The following DLGAP2 variants were observed in gnomAD, a reference collection of about 807,000 sequenced individuals.
The protein encoded by DLGAP2 is DLG associated protein 2.
Under a neutral mutation model 100.3 loss-of-function variants are expected in DLGAP2, and 26 were observed. That is an observed-to-expected ratio of 0.26 (90% CI 0.19 to 0.36). DLGAP2 has a LOEUF of 0.36. DLGAP2 is among the 10% of genes least tolerant of loss of function. The pLI, the probability that DLGAP2 is intolerant of heterozygous loss-of-function variation, is 1.00. For synonymous variants in DLGAP2, 886 were observed against 630.1 expected, an observed-to-expected ratio of 1.41 and a Z score of -6.08; for missense variants, 1,858 against 1,453.2, an observed-to-expected ratio of 1.28 and a Z score of -4.53.
chr8:1,045,045 A>G (rs1300374092), intron 2 of DLGAP2, among the ~76,000 whole-genome samples: 1 of 152,100 alleles, frequency 6.6e-6, no homozygotes, highest in Non-Finnish European at 1.5e-5. Context: ...AGCAGAGAGA[A>G]CCTCCTGCCT....
At chr8:804,628 A>G (rs144523538) in intron 1 of DLGAP2, among the ~76,000 whole-genome samples, 1 of 152,266 alleles carries the variant, frequency 6.6e-6, no homozygotes, top group East Asian at 1.9e-4. Flanking sequence ...AAGTTCTAGC[A>G]TAAGAAAAAA....
intron 2 of DLGAP2, among the ~76,000 whole-genome samples, chr8:998,240 C>G (rs933837274): frequency 1.3e-5 from 2 of 152,204 alleles, no homozygotes; most frequent in Non-Finnish European, 2.9e-5. Context: ...GTTGGCACTG[C>G]TCCATCTGTG....
chr8:1,363,323 T>C (rs1802028957), intron 3 of DLGAP2, among the ~76,000 whole-genome samples: 2 of 152,132 alleles, frequency 1.3e-5, no homozygotes, highest in Non-Finnish European at 2.9e-5. Flanking sequence ...CCCACGCCCG[T>C]GGCATGCTTG....
In DLGAP2 at chr8:760,233, C is replaced by T. The variant is rs547067988; in HGVS notation, c.18+22408C>T. ...GGATGACACAGGCTTTTCAGTGTGACGCCTCCTGTCTCCTCCCTTGCTGCC... is the reference window on the plus strand; with the variant it reads ...GGATGACACAGGCTTTTCAGTGTGATGCCTCCTGTCTCCTCCCTTGCTGCC... On this transcript the variant is annotated intron_variant, in intron 1 of 14. Coordinates refer to ENST00000637795, the MANE Select transcript of DLGAP2 (RefSeq NM_001346810.2). Among the ~76,000 whole-genome samples, 11 of 152,200 alleles carry T rather than the reference C, an allele frequency of 7.2e-5. No individual in the cohort carries two copies. The South Asian group carries it at 1.0e-3, about 14-fold the overall frequency.
In DLGAP2 at chr8:1,096,201, C is replaced by T. The variant is rs147287134; in HGVS notation, c.74-162650C>T. ...CATGGCTGACTTTCCATGGTTGCTG[C>T]CAAACCAGGACTGTTGATTATTTCC... On this transcript the variant is annotated intron_variant, in intron 2 of 14. Transcript: ENST00000637795. Among the ~76,000 whole-genome samples the T allele has an allele frequency of 1.9e-3, 292 of 152,306 alleles. 2 individuals are homozygous for T. Among genetic ancestry groups the T allele is most frequent in the African/African-American group, 6.6e-3 (274 of 41,572 alleles).
At chr8:1,583,064 A>C (rs1024684856) in intron 6 of DLGAP2, among the ~76,000 whole-genome samples, 1 of 152,202 alleles carries the variant, frequency 6.6e-6, no homozygotes, top group African/African-American at 2.4e-5. Flanking sequence ...CTTATGAAAC[A>C]ATGGATCGTG....
chr8:745,488 C>G (rs750055520), intron 1 of DLGAP2, among the ~76,000 whole-genome samples: 2 of 152,208 alleles, frequency 1.3e-5, no homozygotes, highest in Non-Finnish European at 1.5e-5. Flanking sequence ...TATCCAGCTA[C>G]TTGCTTCTCT....
At chr8:773,507 T>G (rs1483257023) in intron 1 of DLGAP2, among the ~76,000 whole-genome samples, 3 of 73,152 alleles carry the variant, frequency 4.1e-5, no homozygotes, top group Non-Finnish European at 8.4e-5. Context: ...CTCCCCCCAC[T>G]CCACAACAGT....
intron 10 of DLGAP2, among the ~76,000 whole-genome samples, chr8:1,670,879 G>T (rs1168772595): frequency 6.6e-6 from 1 of 152,192 alleles, no homozygotes. Context: ...AGAAGGAATC[G>T]AGCAGATGAA....
At chr8:773,909 A>T (rs1478578295) in intron 1 of DLGAP2, among the ~76,000 whole-genome samples, 14 of 152,296 alleles carry the variant, frequency 9.2e-5, no homozygotes, top group East Asian at 5.8e-4. Flanking sequence ...TCTAGATCCC[A>T]GAGGAATCGC....
At chr8:1,523,788 C>A (rs1019546780) in intron 4 of DLGAP2, among the ~76,000 whole-genome samples, 6 of 152,236 alleles carry the variant, frequency 3.9e-5, no homozygotes, top group African/African-American at 1.4e-4. Context: ...CGAGGGCCAT[C>A]CATGGTGGCC....
At chr8:1,594,705 T>G (rs1796395819) in intron 6 of DLGAP2, among the ~76,000 whole-genome samples, 1 of 152,160 alleles carries the variant, frequency 6.6e-6, no homozygotes, top group Admixed American at 6.5e-5. Context: ...ATTACAGTTG[T>G]GAGCCACCGC....
chr8:1,588,889 T>C (rs751165408), intron 6 of DLGAP2, among the ~76,000 whole-genome samples: 2 of 152,002 alleles, frequency 1.3e-5, no homozygotes, highest in Non-Finnish European at 2.9e-5. Flanking sequence ...GCCACTGCAC[T>C]CCAACCTGGG....
intron 2 of DLGAP2, among the ~76,000 whole-genome samples, chr8:921,637 TGGCAGCGCAGCTGTTACAG>T (rs1283479962): frequency 2.0e-5 from 3 of 152,266 alleles, no homozygotes; most frequent in Admixed American, 6.5e-5. Context: ...ACTCCTCCGC[TGGCAGCGCAGCTGTTACAG>T]ATGCTGTTCT....
intron 3 of DLGAP2, among the ~76,000 whole-genome samples, chr8:1,321,542 C>G (rs1191185891): frequency 6.6e-6 from 1 of 152,240 alleles, no homozygotes; most frequent in East Asian, 1.9e-4. Context: ...CTGCCTCTGC[C>G]TTCTAAGTCC....
At chr8:999,593 C>A (rs937221832) in intron 2 of DLGAP2, among the ~76,000 whole-genome samples, 1 of 151,996 alleles carries the variant, frequency 6.6e-6, no homozygotes, top group Non-Finnish European at 1.5e-5. Context: ...ATTCTCCTGC[C>A]TCAGCCTCCT....
chr8:1,558,857 A>G (rs1461092119), intron 5 of DLGAP2, among the ~76,000 whole-genome samples: 3 of 130,074 alleles, frequency 2.3e-5, no homozygotes, highest in African/African-American at 7.7e-5. Context: ...ACCTGCACAC[A>G]CACATACACA....
chr8:1,665,614 G>A (rs1408788918), intron 8 of DLGAP2, among the ~76,000 whole-genome samples: 1 of 152,080 alleles, frequency 6.6e-6, no homozygotes, highest in East Asian at 1.9e-4. Context: ...TACCCCTATT[G>A]CTGGGACTCA....
At chr8:1,210,861 C>T in intron 2 of DLGAP2, among the ~76,000 whole-genome samples, 1 of 152,180 alleles carries the variant, frequency 6.6e-6, no homozygotes, top group East Asian at 1.9e-4. Flanking sequence ...TGTAGTTCCC[C>T]CTCCCTCCCA....
Sources: gnomAD v4.1 joint callset for allele counts (sites outside exome capture counted in the v4.1 genomes callset) on GRCh38, gnomAD v4.1.1 for gene constraint, MANE v1.5 for transcripts, NCBI Gene and HGNC (gene_info 2026-07-23, HGNC 2026-07-21) for gene names.